Variants in CFAP54 observed in about 807,000 individuals in gnomAD.
The protein encoded by CFAP54 is cilia- and flagella-associated protein 54.
CFAP54 carries 290 observed loss-of-function variants against 370.4 expected under a neutral mutation model. The observed-to-expected ratio is 0.78, with a 90% CI of 0.71 to 0.86. CFAP54 has a LOEUF of 0.86. CFAP54 is among the 40% of genes least tolerant of loss of function. The probability of loss-of-function intolerance (pLI) is 0.00; values close to 1 mark genes in which losing one functional copy is unlikely to be tolerated. For synonymous variants in CFAP54, 1,206 were observed against 1,236.5 expected, an observed-to-expected ratio of 0.98 and a Z score of 0.52; for missense variants, 3,399 against 3,528.7, an observed-to-expected ratio of 0.96 and a Z score of 0.93.
At chr12:96,640,727 G>T (rs1956716981) in intron 32 of CFAP54, among the ~76,000 whole-genome samples, 1 of 152,118 alleles carries the variant, frequency 6.6e-6, no homozygotes, top group Admixed American at 6.6e-5. Flanking sequence ...CCAAAACAGA[G>T]ATATAGACTA....
intron 4 of CFAP54, among the ~76,000 whole-genome samples, chr12:96,511,514 C>T (rs1049829810): frequency 6.6e-6 from 1 of 152,162 alleles, no homozygotes. Flanking sequence ...GATGGGGTTT[C>T]TCCACGTTGG....
At chr12:96,527,130 C>G in intron 8 of CFAP54, 116 bp from the exon 9 acceptor site, 2 of 905,436 alleles carry the variant, frequency 2.2e-6, no homozygotes, top group Non-Finnish European at 3.1e-6. Context: ...CTCCTTGGGT[C>G]AAGCAATCCT....
In CFAP54 at chr12:96,631,935, A is replaced by T. The variant is rs1293831684; in HGVS notation, c.4316+1284A>T. 3.3e-5 allele frequency among the ~76,000 whole-genome samples: 5 copies of T among 151,738 alleles called. No homozygotes were observed. The East Asian group carries it at 9.6e-4, about 29-fold the overall frequency. ...GATACGAACATTTTAGCATTACTAG[A>T]TATTGCTAAGTTGCTCTTAAATTTG... On this transcript the variant is annotated intron_variant, in intron 32 of 67. Transcript: ENST00000524981.
At chr12:96,850,393 A>C (rs1959506919) in intron 66 of CFAP54, among the ~76,000 whole-genome samples, 1 of 150,330 alleles carries the variant, frequency 6.7e-6, no homozygotes, top group Non-Finnish European at 1.5e-5. Flanking sequence ...GATTCAGGGG[A>C]GTGGGAGAGG....
At chr12:96,763,984 T>G (rs1285145310) in intron 58 of CFAP54, among the ~76,000 whole-genome samples, 167 bp from the exon 59 acceptor site, 2 of 152,236 alleles carry the variant, frequency 1.3e-5, no homozygotes, top group Non-Finnish European at 2.9e-5. Flanking sequence ...CATACAATTT[T>G]GTAACCTACA....
chr12:96,866,604 T>C (rs1960012301), intron 67 of CFAP54, among the ~76,000 whole-genome samples: 1 of 152,140 alleles, frequency 6.6e-6, no homozygotes, highest in East Asian at 1.9e-4. Flanking sequence ...TGAGTAGATT[T>C]CTAAGAAATT....
Position 96,602,402 on chromosome 12 carries a change from C to T in CFAP54, c.3639+3635C>T, listed in dbSNP as rs368733432. ...TATGTGGTCAATTTTAGAATAAGTG[C>T]GATGTGGTGCCAAGAAGAATGTATA... On this transcript the variant is annotated intron_variant, in intron 26 of 67. Coordinates refer to ENST00000524981, the MANE Select transcript of CFAP54 (RefSeq NM_001306084.2). Among the ~76,000 whole-genome samples, 108 of 152,156 alleles carry T rather than the reference C, an allele frequency of 7.1e-4. 1 individual carries two copies. The East Asian group carries it at 0.017, about 24-fold the overall frequency.
chr12:96,782,887 A>T (rs377048567), intron 60 of CFAP54, among the ~76,000 whole-genome samples: 2 of 152,302 alleles, frequency 1.3e-5, no homozygotes, highest in East Asian at 3.9e-4. Context: ...AACAGTAAAG[A>T]CCAAAATAAA....
At chr12:96,542,144 C>T (rs1276493383) in intron 14 of CFAP54, among the ~76,000 whole-genome samples, 5 of 152,178 alleles carry the variant, frequency 3.3e-5, no homozygotes. Flanking sequence ...AATAAAGTTA[C>T]TCTTTACTTG....
At chr12:96,738,952 G>C (rs965518204) in intron 50 of CFAP54, among the ~76,000 whole-genome samples, 1 of 152,106 alleles carries the variant, frequency 6.6e-6, no homozygotes, top group East Asian at 1.9e-4. Flanking sequence ...ATTGGATTAC[G>C]ACCCAGCCTA....
intron 50 of CFAP54, among the ~76,000 whole-genome samples, chr12:96,720,886 T>G (rs1399965884): frequency 2.6e-5 from 4 of 151,950 alleles, no homozygotes; most frequent in Non-Finnish European, 5.9e-5. Context: ...CCAGGCTTTG[T>G]GGCGGCACAT....
intron 39 of CFAP54, among the ~76,000 whole-genome samples, chr12:96,676,669 C>G (rs938493509): frequency 6.6e-6 from 1 of 152,096 alleles, no homozygotes; most frequent in Non-Finnish European, 1.5e-5. Context: ...CCTCAGCCTC[C>G]TGAGTAGCTG....
chr12:96,637,513 G>C (rs546480393), intron 32 of CFAP54, among the ~76,000 whole-genome samples: 9 of 152,276 alleles, frequency 5.9e-5, no homozygotes, highest in African/African-American at 2.2e-4. Flanking sequence ...TTGACAAACT[G>C]ATTATAAATT....
At chr12:96,849,861 A>T (rs1368662505) in intron 66 of CFAP54, among the ~76,000 whole-genome samples, 1 of 152,160 alleles carries the variant, frequency 6.6e-6, no homozygotes, top group African/African-American at 2.4e-5. Context: ...AGTGTAACCT[A>T]GTTGAACTAA....
chr12:96,594,807 G>A (rs1157919634), intron 25 of CFAP54, among the ~76,000 whole-genome samples: 3 of 152,088 alleles, frequency 2.0e-5, no homozygotes, highest in Admixed American at 6.6e-5. Flanking sequence ...AAAACATGGT[G>A]GGAGACCCAA....
chr12:96,622,145 ACT>A (rs955998910), intron 27 of CFAP54, among the ~76,000 whole-genome samples: 16 of 151,322 alleles, frequency 1.1e-4, no homozygotes, highest in Non-Finnish European at 1.9e-4. Context: ...GATTTCTGAA[ACT>A]CTTTGTGACA....
chr12:96,713,198 A>G (rs1289663592), intron 48 of CFAP54, among the ~76,000 whole-genome samples: 2 of 152,212 alleles, frequency 1.3e-5, no homozygotes, highest in African/African-American at 4.8e-5. Flanking sequence ...TCCAAAAGAA[A>G]AGAAAATCAG....
intron 56 of CFAP54, among the ~76,000 whole-genome samples, chr12:96,755,666 C>CTTTTTTTTTT (rs71758359): frequency 1.3e-3 from 118 of 87,978 alleles, no homozygotes; most frequent in East Asian, 7.5e-3. Flanking sequence ...TTCTTTTTTC[C>CTTTTTTTTTT]TTTTTTTTTT....
At chr12:96,786,561 C>T (rs1038566282) in intron 61 of CFAP54, 114 bp from the exon 62 acceptor site, 3 of 720,580 alleles carry the variant, frequency 4.2e-6, no homozygotes, top group Non-Finnish European at 6.7e-6. Context: ...CATTGGCAGC[C>T]TCTAGCGGAG....
Sources: gnomAD v4.1 joint callset for allele counts (sites outside exome capture counted in the v4.1 genomes callset) on GRCh38, gnomAD v4.1.1 for gene constraint, MANE v1.5 for transcripts, NCBI Gene and HGNC (gene_info 2026-07-23, HGNC 2026-07-21) for gene names.